Variants in XRRA1 observed in about 807,000 individuals in gnomAD.
The protein encoded by XRRA1 is X-ray radiation resistance associated 1, also known as X-ray radiation resistance-associated protein 1.
A neutral mutation model predicts 80.2 loss-of-function variants in XRRA1; 69 were observed. The observed-to-expected ratio is 0.86, with a 90% CI of 0.71 to 1.05. The LOEUF (loss-of-function observed/expected upper bound fraction) is 1.05, where lower values mean the gene tolerates loss of function less well. Ranked by LOEUF, XRRA1 falls within the 50% of genes least tolerant of loss-of-function variation. The probability of loss-of-function intolerance (pLI) is 0.00; values close to 1 mark genes in which losing one functional copy is unlikely to be tolerated. For synonymous variants in XRRA1, 348 were observed against 389.9 expected, an observed-to-expected ratio of 0.89 and a Z score of 1.27; for missense variants, 967 against 976.4, an observed-to-expected ratio of 0.99 and a Z score of 0.13.
In XRRA1 at chr11:74,843,186, C is replaced by T. The variant is rs918151436; in HGVS notation, c.*14G>A. On this transcript the variant is annotated 3_prime_UTR_variant, in exon 19 of 19. Transcript: ENST00000684022. The stretch of plus-strand genomic sequence containing the variant: ...GCACAGGCCGGGTGGTGCACACAGC[C>T]CCCATGCACAGCTCTAGCCTTGTGA... 3.2e-6 allele frequency: 5 copies of T among 1,546,776 alleles called. No individual in the cohort carries two copies. The highest frequency in any genetic ancestry group is 3.3e-4 in the Middle Eastern group (2 of 5,998).
rs201462193 is a variant in XRRA1, at chr11:74,859,275, C to G, written c.1053G>C (p.Lys351Asn). 4.0e-4 allele frequency: 636 copies of G among 1,604,566 alleles called. 2 individuals carry two copies. The highest frequency in any genetic ancestry group is 3.1e-3 in the Middle Eastern group (19 of 6,042). Residue 351 changes from lysine (K) to asparagine (N), a missense_variant, in exon 12 of 19, where the codon AAG becomes AAC. Physicochemically the swap from Lys to Asn is moderately conservative, Grantham distance 94 (BLOSUM62 0). Coordinates refer to ENST00000684022, the MANE Select transcript of XRRA1 (RefSeq NM_001378157.1). ...CGAATATGGGAGGAAGTGAACATATCTTGGTTGTCTTAGAAAGAAGGAAAA... is the reference window on the plus strand; with the variant it reads ...CGAATATGGGAGGAAGTGAACATATGTTGGTTGTCTTAGAAAGAAGGAAAA... ...YPGFSTSETT[K>N]ICSLPPIFEI... is the part of the protein sequence containing the mutation.
chr11:74,866,875 G>C (rs2043563587), intron 10 of XRRA1, among the ~76,000 whole-genome samples: 2 of 152,086 alleles, frequency 1.3e-5, no homozygotes, highest in African/African-American at 4.8e-5. Context: ...GAAAATATTA[G>C]GGTTGCTAAA....
At chr11:74,860,460 C>T (rs1304794315) in intron 11 of XRRA1, among the ~76,000 whole-genome samples, 1 of 152,204 alleles carries the variant, frequency 6.6e-6, no homozygotes, top group East Asian at 1.9e-4. Context: ...AGTATCCTGA[C>T]CCAAGGGCAT....
At chr11:74,918,834 A>G (rs1420416367) in intron 8 of XRRA1, 4 of 152,270 alleles carry the variant, frequency 2.6e-5, no homozygotes, top group Non-Finnish European at 5.9e-5. Context: ...CATTTCTGTC[A>G]GCAGCAGCAG....
At chr11:74,896,726 AAG>A (rs1006090594) in intron 10 of XRRA1, among the ~76,000 whole-genome samples, 8 of 152,190 alleles carry the variant, frequency 5.3e-5, no homozygotes, top group Admixed American at 3.9e-4. Context: ...TGGCTTGGAA[AAG>A]AGAGAGATTC....
chr11:74,886,240 G>A (rs1184351873), intron 10 of XRRA1, among the ~76,000 whole-genome samples: 1 of 152,088 alleles, frequency 6.6e-6, no homozygotes, highest in Non-Finnish European at 1.5e-5. Context: ...AGAAATGAGA[G>A]GCCTCCACAT....
chr11:74,870,209 C>G (rs368797171), intron 10 of XRRA1, among the ~76,000 whole-genome samples: 141 of 152,330 alleles, frequency 9.3e-4, no homozygotes, highest in African/African-American at 2.9e-3. Flanking sequence ...CCTCGGTACC[C>G]TCAGGGTGCT....
chr11:74,851,009 C>T, intron 14 of XRRA1, 79 bp downstream of exon 14: 1 of 1,097,882 alleles, frequency 9.1e-7, no homozygotes, highest in Non-Finnish European at 1.3e-6. Flanking sequence ...GTGAGCAGCT[C>T]TACAGCCAGG....
intron 10 of XRRA1, among the ~76,000 whole-genome samples, chr11:74,891,986 A>G (rs1464898648): frequency 1.3e-5 from 2 of 152,244 alleles, no homozygotes; most frequent in Non-Finnish European, 2.9e-5. Flanking sequence ...TGCCCAAGGT[A>G]ATTTATAGAT....
intron 11 of XRRA1, among the ~76,000 whole-genome samples, chr11:74,861,465 A>C (rs941599066): frequency 6.6e-6 from 1 of 152,194 alleles, no homozygotes; most frequent in Non-Finnish European, 1.5e-5. Context: ...CGTTATGAGA[A>C]TCTAATGCCT....
intron 10 of XRRA1, among the ~76,000 whole-genome samples, chr11:74,891,165 G>C (rs2050589511): frequency 6.6e-6 from 1 of 152,122 alleles, no homozygotes; most frequent in African/African-American, 2.4e-5. Context: ...TAAAATACTG[G>C]CAAACCGAAT....
chr11:74,843,828 TCCTGGCAG>T lies in XRRA1; in HGVS notation c.2149+18_2149+25del, dbSNP rs1446387658. ...CAGCAGGCGTGAACTGGATCTGGGA[TCCTGGCAG>T]CTGTGGCAGAGCCGTACCTAGTGGA... On this transcript the variant is annotated intron_variant, in intron 18 of 18. Coordinates refer to ENST00000684022, the MANE Select transcript of XRRA1 (RefSeq NM_001378157.1). 1.3e-6 allele frequency: 2 copies of T among 1,583,740 alleles called. No individual in the cohort carries two copies.
At chr11:74,937,388 C>G (rs1378190791) in intron 3 of XRRA1, among the ~76,000 whole-genome samples, 1 of 152,078 alleles carries the variant, frequency 6.6e-6, no homozygotes, top group Non-Finnish European at 1.5e-5. Flanking sequence ...AAACTAAGAT[C>G]AAGTATTTCC....
chr11:74,906,337 G>A lies in XRRA1; in HGVS notation c.905C>T (p.Pro302Leu). ...NGGRGSPHKE[P>L]QFMLQSKPRM... is the part of the protein sequence containing the mutation. ...TGGCTTGGACTGCAGCATGAATTGG[G>A]GCTCTTTATGGGGACTTCCCCTGCC... Residue 302 changes from proline to leucine, a missense_variant, in exon 10 of 19, where the codon CCC (proline) becomes CTC (leucine). By Grantham distance (98) the Pro-to-Leu change is moderately conservative (BLOSUM62 -3). Coordinates refer to ENST00000684022, the MANE Select transcript of XRRA1 (RefSeq NM_001378157.1). 2.5e-6 allele frequency: 4 copies of A among 1,613,942 alleles called. No individual in the cohort carries two copies. The highest frequency in any genetic ancestry group is 3.4e-6 in the Non-Finnish European group (4 of 1,179,878).
intron 10 of XRRA1, among the ~76,000 whole-genome samples, chr11:74,882,958 CTT>C: frequency 6.6e-6 from 1 of 152,288 alleles, no homozygotes; most frequent in Non-Finnish European, 1.5e-5. Context: ...TTACTGCTGT[CTT>C]TTTGTTTGTC....
chr11:74,852,131 C>T, intron 12 of XRRA1, 49 bp from the exon 13 acceptor site: 1 of 1,504,740 alleles, frequency 6.6e-7, no homozygotes, highest in African/African-American at 1.4e-5. Flanking sequence ...CCCCTCACCT[C>T]TACCCAGGTA....
At position 74,848,206 on chromosome 11, in the gene XRRA1, A is replaced by G; in HGVS notation, c.1637T>C (p.Leu546Pro). 1 of 1,613,876 alleles carries G rather than the reference A, an allele frequency of 6.2e-7. No individual in the cohort carries two copies. The highest frequency in any genetic ancestry group is 8.5e-7 in the Non-Finnish European group (1 of 1,179,860). The change falls in exon 15 of 19, where the codon CTG becomes CCG. Residue 546 changes from leucine to proline, a missense_variant. Physicochemically the swap from Leu to Pro is moderately conservative, Grantham distance 98 (BLOSUM62 -3). Coordinates refer to ENST00000684022, the MANE Select transcript of XRRA1 (RefSeq NM_001378157.1). ...SNSTVHSEET[L>P]SHLSDTTVRL... Reference sequence around the variant, plus strand: ...GACAGTTGTGTCACTCAGGTGGGACAGGGTCTCTTCACTATGCACAGTGGA... The same window carrying G: ...GACAGTTGTGTCACTCAGGTGGGACGGGGTCTCTTCACTATGCACAGTGGA...
chr11:74,924,567 C>CTCACGCAGTA (rs1565416152), intron 7 of XRRA1, among the ~76,000 whole-genome samples: 2 of 151,814 alleles, frequency 1.3e-5, no homozygotes, highest in Non-Finnish European at 2.9e-5. Flanking sequence ...GGCGTGGTGG[C>CTCACGCAGTA]TCACGCCTGT....
chr11:74,905,061 T>C (rs2054296646), intron 10 of XRRA1, among the ~76,000 whole-genome samples: 1 of 152,134 alleles, frequency 6.6e-6, no homozygotes, highest in Non-Finnish European at 1.5e-5. Context: ...GTTGTTACTA[T>C]TATTATTTGT....
Sources: gnomAD v4.1 joint callset for allele counts (sites outside exome capture counted in the v4.1 genomes callset) on GRCh38, gnomAD v4.1.1 for gene constraint, MANE v1.5 for transcripts, NCBI Gene and HGNC (gene_info 2026-07-23, HGNC 2026-07-21) for gene names.